ETS1: variants seen among roughly 807,000 people sequenced by gnomAD.
ETS1 encodes protein C-ets-1.
ETS1 carries 15 observed loss-of-function variants against 58.6 expected under a neutral mutation model. The ratio of observed to expected loss-of-function variants is 0.26; its 90% CI spans 0.17 to 0.39. The LOEUF is 0.39. Among genes scored for constraint, ETS1 ranks in the 10% least tolerant of loss-of-function variants. ETS1 has a pLI of 1.00. For synonymous variants in ETS1, 214 were observed against 218.2 expected (o/e 0.98, Z 0.17); for missense variants, 417 against 610.5 (o/e 0.68, Z 3.34).
At chr11:128,505,651 A>C (rs1209089693) in intron 3 of ETS1, among the ~76,000 whole-genome samples, 2 of 152,204 alleles carry the variant, frequency 1.3e-5, no homozygotes, top group African/African-American at 2.4e-5. Context: ...GTCGCCAGGC[A>C]GACCCAATCT....
At chr11:128,572,004 A>G (rs573166983) in intron 2 of ETS1, 10 of 151,514 alleles carry the variant, frequency 6.6e-5, no homozygotes, top group African/African-American at 2.2e-4. Flanking sequence ...AGATCAAACC[A>G]CTGCACTCCA....
At chr11:128,475,927 T>A (rs1487450905) in intron 8 of ETS1, among the ~76,000 whole-genome samples, 2 of 151,674 alleles carry the variant, frequency 1.3e-5, no homozygotes, top group African/African-American at 4.9e-5. Context: ...CACAAAAAAA[T>A]TTGGAAGTTG....
intron 3 of ETS1, among the ~76,000 whole-genome samples, chr11:128,514,646 TA>T (rs1465384613): frequency 6.6e-6 from 1 of 152,190 alleles, no homozygotes; most frequent in Non-Finnish European, 1.5e-5. Flanking sequence ...TTCATAAATG[TA>T]AACACTGGTC....
intron 3 of ETS1, among the ~76,000 whole-genome samples, chr11:128,521,212 C>G (rs1335084831): frequency 6.6e-6 from 1 of 152,038 alleles, no homozygotes; most frequent in African/African-American, 2.4e-5. Context: ...CACCATGTAC[C>G]AAAGACACAA....
At chr11:128,585,206 G>GAAAA (rs1415931340) in intron 1 of ETS1, among the ~76,000 whole-genome samples, 1 of 97,704 alleles carries the variant, frequency 1.0e-5, no homozygotes, top group African/African-American at 4.4e-5. Context: ...AAGAAAGAAA[G>GAAAA]AAAGAAAGAA....
At chr11:128,471,281 G>A (rs772054687) in intron 8 of ETS1, among the ~76,000 whole-genome samples, 2 of 152,246 alleles carry the variant, frequency 1.3e-5, no homozygotes, top group Non-Finnish European at 2.9e-5. Context: ...CTGGAACAGG[G>A]TTAAGTGAGG....
chr11:128,509,097 CTT>C (rs1329264483), intron 3 of ETS1, among the ~76,000 whole-genome samples: 3 of 152,148 alleles, frequency 2.0e-5, no homozygotes, highest in Non-Finnish European at 4.4e-5. Context: ...CCTTTGGAGA[CTT>C]TGCAGTCAGC....
chr11:128,479,223 C>G (rs1346635837), intron 8 of ETS1, among the ~76,000 whole-genome samples: 2 of 152,194 alleles, frequency 1.3e-5, no homozygotes, highest in Non-Finnish European at 1.5e-5. Context: ...AAACACAGAT[C>G]TTGCTGTTTG....
chr11:128,547,652 T>A (rs1041078701), intron 3 of ETS1, among the ~76,000 whole-genome samples: 2 of 151,906 alleles, frequency 1.3e-5, no homozygotes, highest in East Asian at 3.8e-4. Context: ...TTTTTTTTTT[T>A]AATCCCACCT....
At chr11:128,494,931 G>C (rs1440693393) in intron 3 of ETS1, among the ~76,000 whole-genome samples, 1 of 152,150 alleles carries the variant, frequency 6.6e-6, no homozygotes, top group Admixed American at 6.5e-5. Context: ...AACCCCATCA[G>C]ATTATGATAC....
At chr11:128,544,339 TAATATATATATATATA>T (rs946492732) in intron 3 of ETS1, among the ~76,000 whole-genome samples, 68 of 67,210 alleles carry the variant, frequency 1.0e-3, no homozygotes, top group African/African-American at 3.7e-3. Flanking sequence ...AATTGTTTAC[TAATATATATATATATA>T]TATATATATA....
intron 3 of ETS1, among the ~76,000 whole-genome samples, chr11:128,543,840 G>T (rs1591652815): frequency 6.6e-6 from 1 of 152,246 alleles, no homozygotes; most frequent in South Asian, 2.1e-4. Flanking sequence ...CTCTAATAAT[G>T]GATTTCAGAG....
At chr11:128,579,560 C>T (rs1010983689) in intron 1 of ETS1, among the ~76,000 whole-genome samples, 1 of 150,724 alleles carries the variant, frequency 6.6e-6, no homozygotes, top group Admixed American at 6.6e-5. Flanking sequence ...ACTTGGGAGG[C>T]TGAGGCAGAA....
chr11:128,576,933 C>T (rs1864763298), intron 1 of ETS1, among the ~76,000 whole-genome samples: 1 of 152,168 alleles, frequency 6.6e-6, no homozygotes, highest in African/African-American at 2.4e-5. Flanking sequence ...TTCACCCCAG[C>T]CAGGGTTAGC....
intron 3 of ETS1, among the ~76,000 whole-genome samples, chr11:128,538,070 G>C (rs1201442449): frequency 6.6e-6 from 1 of 152,064 alleles, no homozygotes; most frequent in Non-Finnish European, 1.5e-5. Flanking sequence ...GATTTGGGAT[G>C]TTTGCCACAC....
At chr11:128,493,469 C>G (rs1435455420) in intron 3 of ETS1, among the ~76,000 whole-genome samples, 1 of 152,230 alleles carries the variant, frequency 6.6e-6, no homozygotes, top group African/African-American at 2.4e-5. Flanking sequence ...AGTCCACGTG[C>G]TGTTGGGGCC....
At chr11:128,534,788 G>GGT (rs1863949162) in intron 3 of ETS1, among the ~76,000 whole-genome samples, 1 of 152,100 alleles carries the variant, frequency 6.6e-6, no homozygotes, top group African/African-American at 2.4e-5. Context: ...AGTATTCCAT[G>GGT]GTGTGTGTGT....
chr11:128,548,234 C>A (rs1186874937), intron 3 of ETS1, among the ~76,000 whole-genome samples: 6 of 149,056 alleles, frequency 4.0e-5, no homozygotes, highest in African/African-American at 1.5e-4. Flanking sequence ...GAACCCCGGG[C>A]AATTACAGTA....
chr11:128,472,692 G>A (rs1330861193), intron 8 of ETS1, among the ~76,000 whole-genome samples: 1 of 152,166 alleles, frequency 6.6e-6, no homozygotes, highest in Non-Finnish European at 1.5e-5. Flanking sequence ...GTGAGACACA[G>A]AGCTCCTCCA....
Sources: gnomAD v4.1 joint callset for allele counts (sites outside exome capture counted in the v4.1 genomes callset) on GRCh38, gnomAD v4.1.1 for gene constraint, MANE v1.5 for transcripts, NCBI Gene and HGNC (gene_info 2026-07-23, HGNC 2026-07-21) for gene names.